ADAMTS13: variants seen among roughly 807,000 people sequenced by gnomAD.
ADAMTS13 encodes ADAM metallopeptidase with thrombospondin type 1 motif 13.
In ADAMTS13, 110 loss-of-function variants were observed where a neutral mutation model predicts 155.1. The ratio of observed to expected loss-of-function variants is 0.71; its 90% CI spans 0.61 to 0.83. The LOEUF is 0.83. Among genes scored for constraint, ADAMTS13 ranks in the 40% least tolerant of loss-of-function variants. ADAMTS13 has a pLI of 0.00. For synonymous variants in ADAMTS13, 758 were observed against 756.4 expected (o/e 1.00, Z -0.03); for missense variants, 1,707 against 1,891.7 (o/e 0.90, Z 1.81).
upstream of ADAMTS13, among the ~76,000 whole-genome samples, chr9:133,417,030 A>T (rs782377036): frequency 7.5e-4 from 114 of 152,252 alleles, 1 homozygote; most frequent in Middle Eastern, 6.8e-3. Flanking sequence ...TTGTTGTTTG[A>T]GATGGAGTCT....
chr9:133,449,855 C>T lies in ADAMTS13; in HGVS notation c.2934C>T (p.Ala978=). The T allele has an allele frequency of 6.2e-7, 1 of 1,614,056 alleles. No homozygotes were observed. The highest frequency in any genetic ancestry group is 8.5e-7 in the Non-Finnish European group (1 of 1,180,020). ...TCGTGCGGAGGATCCTGTATTGTGCCCGGGCCCATGGGGAGGACGATGGTG... is the reference window on the plus strand; with the variant it reads ...TCGTGCGGAGGATCCTGTATTGTGCTCGGGCCCATGGGGAGGACGATGGTG... The part of the protein sequence containing the change: ...RGVVRRILYC[A]RAHGEDDGEE... The change falls in exon 23 of 29, where the codon GCC becomes GCT. Residue 978 remains alanine (A), a synonymous_variant. Transcript: ENST00000355699.
At chr9:133,429,915 G>C (rs1840614106) in intron 7 of ADAMTS13, 24 bp from the exon 8 acceptor site, 3 of 1,534,272 alleles carry the variant, frequency 2.0e-6, no homozygotes, top group Non-Finnish European at 2.6e-6. Context: ...GACTGAGCCG[G>C]GCCTGAGCCG....
intron 11 of ADAMTS13, among the ~76,000 whole-genome samples, chr9:133,435,979 T>TC (rs201710760): frequency 1.1e-4 from 15 of 140,450 alleles, no homozygotes; most frequent in Non-Finnish European, 9.3e-5. Flanking sequence ...TTTCTCTTCT[T>TC]TTTTTTTTTT....
intron 18 of ADAMTS13, among the ~76,000 whole-genome samples, 167 bp from the exon 19 acceptor site, chr9:133,443,209 C>T (rs1554791393): frequency 6.6e-6 from 1 of 152,188 alleles, no homozygotes; most frequent in Non-Finnish European, 1.5e-5. Context: ...ATTCGGTTGT[C>T]CTCAGGCTCA....
chr9:133,436,948 C>T lies in ADAMTS13; in HGVS notation c.1428C>T (p.His476=), dbSNP rs782015114. The part of the protein sequence containing the change: ...SFYHWGAAVP[H]SQGDALCRHM... ...ACCACTGGGGTGCTGCTGTACCACA[C>T]AGCCAAGGTGGGGCCTGCGGAGTGT... is the stretch of plus-strand genomic sequence containing the variant. The change falls in exon 12 of 29, where the codon CAC becomes CAT. Residue 476 remains histidine, a synonymous_variant. Transcript: ENST00000355699. 3 of 1,597,260 alleles carry T rather than the reference C, an allele frequency of 1.9e-6. No individual in the cohort carries two copies. Among genetic ancestry groups the T allele is most frequent in the Admixed American group, 1.7e-5 (1 of 57,236 alleles).
intron 11 of ADAMTS13, among the ~76,000 whole-genome samples, chr9:133,436,356 C>T (rs1179341341): frequency 7.3e-6 from 1 of 137,332 alleles, no homozygotes; most frequent in Non-Finnish European, 1.7e-5. Context: ...GGTGGGATTT[C>T]GTGGAGGCAG....
Position 133,450,674 on chromosome 9 carries a change from G to A in ADAMTS13, c.3044+709G>A, listed in dbSNP as rs935298681. On this transcript the variant is annotated intron_variant, in intron 23 of 28. Transcript: ENST00000355699. ...GGAGGCAGGAGAATCGCTTGAACCCGGGAGGCGGAGGTTGCAGTGAGCCGA... is the reference window on the plus strand; with the variant it reads ...GGAGGCAGGAGAATCGCTTGAACCCAGGAGGCGGAGGTTGCAGTGAGCCGA... 3.9e-5 allele frequency among the ~76,000 whole-genome samples: 6 copies of A among 152,244 alleles called. No homozygotes were observed. In the South Asian group the frequency reaches 8.3e-4, roughly 21 times the overall value.
chr9:133,443,664 C>T lies in ADAMTS13; in HGVS notation c.2420+103C>T, dbSNP rs373030349. ...GAGAATCCCCTCCTCCTGAGGCCTC[C>T]GGCGGGGCCTCACCATCCAGGGTGA... On this transcript the variant is annotated intron_variant, in intron 19 of 28. Coordinates refer to ENST00000355699, the MANE Select transcript of ADAMTS13 (RefSeq NM_139027.6). 39 of 1,313,222 alleles carry T rather than the reference C, an allele frequency of 3.0e-5. No homozygotes were observed. In the East Asian group the frequency reaches 6.7e-4, roughly 22 times the overall value. The allele number at this position is 1,313,222 out of a possible 1,614,324, so 81.3% of individuals were successfully genotyped here.
chr9:133,418,709 A>T (rs1297525560), upstream of ADAMTS13, among the ~76,000 whole-genome samples: 1 of 152,180 alleles, frequency 6.6e-6, no homozygotes, highest in Non-Finnish European at 1.5e-5. Flanking sequence ...ACGCAACAGA[A>T]CAGGACAGGG....
At chr9:133,451,384 A>G (rs587644749) in intron 23 of ADAMTS13, among the ~76,000 whole-genome samples, 2 of 152,136 alleles carry the variant, frequency 1.3e-5, no homozygotes, top group African/African-American at 4.8e-5. Context: ...CAGCCTCCCA[A>G]GTAGCTGGGA....
intron 1 of ADAMTS13, chr9:133,415,616 G>C (rs587670767): frequency 6.5e-6 from 1 of 152,748 alleles, no homozygotes; most frequent in Non-Finnish European, 1.5e-5. Context: ...ATCCCCAGTG[G>C]GAGTGGGCGC....
chr9:133,428,910 C>A, intron 7 of ADAMTS13, 139 bp downstream of exon 7: 7 of 1,022,338 alleles, frequency 6.8e-6, no homozygotes, highest in Non-Finnish European at 8.5e-6. Flanking sequence ...CCCACCCCTC[C>A]GTCCAACCCC....
rs1554790601 is a variant in ADAMTS13 at position 133,441,006 on chromosome 9, T to C, written c.1968+481T>C. On this transcript the variant is annotated intron_variant, in intron 16 of 28. Coordinates refer to ENST00000355699, the MANE Select transcript of ADAMTS13 (RefSeq NM_139027.6). The surrounding 1 kb of genome is among the most constrained non-coding windows in gnomAD (Gnocchi z 5.0). ...GTGGCATCTGGGGAGTAGGCCTTGG[T>C]GCTGAGGAAGCTGAGAACAGATGCT... Among the ~76,000 whole-genome samples, 3 of 152,136 alleles carry C rather than the reference T, an allele frequency of 2.0e-5. No homozygotes were observed.
At chr9:133,416,277 G>A (rs1372475035) in intron 1 of ADAMTS13, among the ~76,000 whole-genome samples, 1 of 152,126 alleles carries the variant, frequency 6.6e-6, no homozygotes, top group South Asian at 2.1e-4. Context: ...TTACTGAGGG[G>A]AGGGCACCAA....
chr9:133,443,242 C>T, intron 18 of ADAMTS13, 134 bp from the exon 19 acceptor site: 1 of 1,148,140 alleles, frequency 8.7e-7, no homozygotes, highest in Admixed American at 2.1e-5. Context: ...CCTGGGAACA[C>T]CTGGAGAGGC....
chr9:133,431,321 A>G (rs1588162350), intron 8 of ADAMTS13, among the ~76,000 whole-genome samples: 1 of 137,234 alleles, frequency 7.3e-6, no homozygotes, highest in African/African-American at 2.7e-5. Context: ...CTGGAAGTTC[A>G]TTTTTTCATT....
chr9:133,424,072 G>C lies in ADAMTS13; in HGVS notation c.173-249G>C, dbSNP rs1179298635. 6.6e-6 allele frequency among the ~76,000 whole-genome samples: 1 copy of C among 152,242 alleles called. No individual in the cohort carries two copies. Among genetic ancestry groups the C allele is most frequent in the East Asian group, 1.9e-4 (1 of 5,196 alleles). ...GCAGGGGCTTTCCCCTTTGGGCAGAGCCACCAGGGCAGTGGGAATCTTGTC... is the reference window on the plus strand; with the variant it reads ...GCAGGGGCTTTCCCCTTTGGGCAGACCCACCAGGGCAGTGGGAATCTTGTC... On this transcript the variant is annotated intron_variant, in intron 2 of 28. Coordinates refer to ENST00000355699, the MANE Select transcript of ADAMTS13 (RefSeq NM_139027.6). The surrounding 1 kb of genome is among the most constrained non-coding windows in gnomAD (Gnocchi z 4.3).
intron 28 of ADAMTS13, 129 bp downstream of exon 28, chr9:133,458,223 A>C (rs1564447994): frequency 8.8e-7 from 1 of 1,132,178 alleles, no homozygotes; most frequent in East Asian, 2.6e-5. Context: ...GAATGGGAGA[A>C]GATAGCTTCC....
Position 133,445,780 on chromosome 9 carries a change from A to G in ADAMTS13, c.2692A>G (p.Thr898Ala). Residue 898 changes from threonine (T) to alanine (A), a missense_variant, in exon 21 of 29, where the codon ACC (threonine) becomes GCC (alanine). Transcript: ENST00000355699. This position sits in a 1 kb window ranked among gnomAD's most constrained non-coding sequence, Gnocchi z 5.0. ...RTGAQAAHVW[T>A]PAAGSCSVSC... ...GGGGGCTCAAGCTGCACACGTGTGG[A>G]CCCCTGCGGCAGGGTCGTGCTCCGT... The G allele has an allele frequency of 1.2e-6, 2 of 1,600,536 alleles. No individual in the cohort carries two copies. The highest frequency in any genetic ancestry group is 1.7e-6 in the Non-Finnish European group (2 of 1,170,272).
Sources: gnomAD v4.1 joint callset for allele counts (sites outside exome capture counted in the v4.1 genomes callset) on GRCh38, gnomAD v4.1.1 for gene constraint, Gnocchi (gnomAD v3.1) non-coding constraint, MANE v1.5 for transcripts, NCBI Gene and HGNC (gene_info 2026-07-23, HGNC 2026-07-21) for gene names.